GMEB2: variants seen among roughly 807,000 people sequenced by gnomAD.
GMEB2 encodes the protein glucocorticoid modulatory element-binding protein 2.
A neutral mutation model predicts 45.7 loss-of-function variants in GMEB2; 7 were observed. That is an observed-to-expected ratio of 0.15 (90% CI 0.09 to 0.29). The LOEUF is 0.29. GMEB2 is among the 10% of genes least tolerant of loss of function. The pLI is 1.00. For missense variants in GMEB2, 582 were observed against 739.2 expected (o/e 0.79, Z 2.47); for synonymous variants, 322 against 323.6 (o/e 1.00, Z 0.05).
intron 2 of GMEB2, among the ~76,000 whole-genome samples, chr20:63,605,566 G>T (rs549552645): frequency 6.6e-6 from 1 of 151,260 alleles, no homozygotes. Context: ...GGCTGCGCAG[G>T]TCTGAGCACT....
chr20:63,603,056 T>C lies in GMEB2; in HGVS notation c.266A>G (p.Glu89Gly). 1 of 1,613,970 alleles carries C rather than the reference T, an allele frequency of 6.2e-7. No individual in the cohort carries two copies. The highest frequency in any genetic ancestry group is 8.5e-7 in the Non-Finnish European group (1 of 1,179,914). The change falls in exon 4 of 10, where the codon GAG (glutamate) becomes GGG (glycine). Residue 89 changes from glutamate to glycine, a missense_variant. Physicochemically the swap from Glu to Gly is moderately conservative, Grantham distance 98 (BLOSUM62 -2). Coordinates refer to ENST00000370077, the MANE Select transcript of GMEB2 (RefSeq NM_012384.5). Reference protein sequence around the residue: ...MAEEGENLEAEIVYPITCGDS... With the variant: ...MAEEGENLEAGIVYPITCGDS... ...TCCACAGGTGATGGGGTACACAATC[T>C]CAGCTTCCAGGTTCTCCCCCTCTTC...
chr20:63,623,276 G>T (rs2089650858), intron 1 of GMEB2, among the ~76,000 whole-genome samples: 1 of 152,140 alleles, frequency 6.6e-6, no homozygotes, highest in Non-Finnish European at 1.5e-5. Context: ...AAGGGGAAAG[G>T]GGGCTCACAG....
chr20:63,605,121 G>C (rs2089508919), intron 2 of GMEB2, among the ~76,000 whole-genome samples: 1 of 152,016 alleles, frequency 6.6e-6, no homozygotes, highest in Non-Finnish European at 1.5e-5. Flanking sequence ...GGACATGGTG[G>C]TACATGCCTG....
chr20:63,597,640 G>T, intron 5 of GMEB2, 117 bp downstream of exon 5: 1 of 669,056 alleles, frequency 1.5e-6, no homozygotes, highest in Non-Finnish European at 2.7e-6. Context: ...CCGGGAGGTT[G>T]TCAGCACTCA....
Position 63,592,060 on chromosome 20 carries a change from A to G in GMEB2, c.914T>C (p.Met305Thr). The change falls in exon 9 of 10, where the codon ATG becomes ACG. Residue 305 changes from methionine (M) to threonine (T), a missense_variant. Around this residue, in one of 3 missense-constraint regions of GMEB2, gnomAD observed 462 missense variants for 586.7 expected, o/e 0.79. Coordinates refer to ENST00000370077, the MANE Select transcript of GMEB2 (RefSeq NM_012384.5). This position sits in a 1 kb window ranked among gnomAD's most constrained non-coding sequence, Gnocchi z 8.2. ...GGCGTACTGCTCCCGCGAGCGGTCC[A>G]TCTGGCACTTGTGGCTGGCCAGCAC... ...KKVLASHKCQ[M>T]DRSREQYARD... 6.2e-7 allele frequency: 1 copy of G among 1,613,462 alleles called. No individual in the cohort carries two copies. Among genetic ancestry groups the G allele is most frequent in the African/African-American group, 1.3e-5 (1 of 75,048 alleles).
At chr20:63,590,888 C>T (rs1054717642) in intron 9 of GMEB2, among the ~76,000 whole-genome samples, 159 bp from the exon 10 acceptor site, 1 of 152,128 alleles carries the variant, frequency 6.6e-6, no homozygotes, top group African/African-American at 2.4e-5. Flanking sequence ...ACCACATGGC[C>T]GCCAAAGGTG....
chr20:63,598,586 G>A (rs1408684196), intron 4 of GMEB2, among the ~76,000 whole-genome samples: 3 of 152,144 alleles, frequency 2.0e-5, no homozygotes, highest in African/African-American at 4.8e-5. Flanking sequence ...CAGGAGGCCC[G>A]AGTACGGGGG....
chr20:63,605,403 C>G (rs1044600241), intron 2 of GMEB2, among the ~76,000 whole-genome samples: 2 of 150,458 alleles, frequency 1.3e-5, no homozygotes, highest in Non-Finnish European at 3.0e-5. Context: ...TGTGGTGGCT[C>G]GAGCCCGTAA....
At position 63,590,316 on chromosome 20, in the gene GMEB2, C is replaced by A. The variant is rs1470924609; in HGVS notation, c.1366G>T (p.Val456Phe). Residue 456 changes from valine (V) to phenylalanine (F), a missense_variant, in exon 10 of 10, where the codon GTC becomes TTC. Val to Phe is a conservative substitution (Grantham distance 50). This residue lies in a region of GMEB2 where 462 missense variants were observed against 586.7 expected (regional missense o/e 0.79). Coordinates refer to ENST00000370077, the MANE Select transcript of GMEB2 (RefSeq NM_012384.5). ...TCCTGCACGGCGGCCGTGCTCAGGA[C>A]CGTGAGGCTGGACGCGTCCGGGTGG... ...EIHPDASSLT[V>F]LSTAAVQDGS... 6.2e-7 allele frequency: 1 copy of A among 1,612,566 alleles called. No homozygotes were observed. The highest frequency in any genetic ancestry group is 8.5e-7 in the Non-Finnish European group (1 of 1,179,760).
rs1007478122 is a variant in GMEB2, at chr20:63,593,360, C to G, written c.620-278G>C. Among the ~76,000 whole-genome samples the G allele has an allele frequency of 1.6e-4, 25 of 152,066 alleles. No homozygotes were observed. Among genetic ancestry groups the G allele is most frequent in the African/African-American group, 5.6e-4 (23 of 41,412 alleles). On this transcript the variant is annotated intron_variant, in intron 6 of 9. Transcript: ENST00000370077. This position sits in a 1 kb window ranked among gnomAD's most constrained non-coding sequence, Gnocchi z 4.7. ...ATTTCAGCAAATCCTCAACACTTTC[C>G]TCCTCTTGTCCATTTACGATTGTAC...
intron 5 of GMEB2, among the ~76,000 whole-genome samples, chr20:63,596,805 G>T (rs1372795048): frequency 1.3e-5 from 2 of 152,206 alleles, no homozygotes; most frequent in African/African-American, 4.8e-5. Context: ...ATCACCTGAG[G>T]TCAAGTGTTC....
chr20:63,616,838 G>A (rs2089611953), intron 2 of GMEB2, among the ~76,000 whole-genome samples: 2 of 152,226 alleles, frequency 1.3e-5, no homozygotes, highest in African/African-American at 4.8e-5. Context: ...GCGTTATCCT[G>A]AACTGTGTCC....
chr20:63,617,178 C>T (rs2089614807), intron 2 of GMEB2, among the ~76,000 whole-genome samples: 1 of 152,192 alleles, frequency 6.6e-6, no homozygotes, highest in South Asian at 2.1e-4. Flanking sequence ...GGGGTTTTGC[C>T]ATGTCGCCCA....
chr20:63,611,811 A>T (rs530458524), intron 2 of GMEB2, among the ~76,000 whole-genome samples: 2 of 152,054 alleles, frequency 1.3e-5, no homozygotes, highest in Admixed American at 6.6e-5. Flanking sequence ...TGAGTCCAGG[A>T]GTTCAAGACT....
intron 2 of GMEB2, among the ~76,000 whole-genome samples, chr20:63,606,480 T>C (rs2089520279): frequency 6.6e-6 from 1 of 152,036 alleles, no homozygotes; most frequent in East Asian, 1.9e-4. Context: ...CCCGAGTAGC[T>C]GGGACTACAG....
At chr20:63,600,580 T>C (rs1349534896) in intron 4 of GMEB2, among the ~76,000 whole-genome samples, 1 of 151,248 alleles carries the variant, frequency 6.6e-6, no homozygotes, top group Non-Finnish European at 1.5e-5. Flanking sequence ...CAGCCAGGCA[T>C]GGTGGTGGGT....
At chr20:63,623,847 C>T (rs1440360319) in intron 1 of GMEB2, among the ~76,000 whole-genome samples, 2 of 151,734 alleles carry the variant, frequency 1.3e-5, no homozygotes, top group African/African-American at 2.4e-5. Flanking sequence ...TGTGGTGGCT[C>T]ACGCCCATAA....
At position 63,589,112 on chromosome 20, in the gene GMEB2, C is replaced by T. The variant is rs2083119899; in HGVS notation, c.*977G>A. 2.5e-6 allele frequency: 1 copy of T among 399,082 alleles called. No homozygotes were observed. The highest frequency in any genetic ancestry group is 4.4e-6 in the Non-Finnish European group (1 of 226,286). The allele number at this position is 399,082 out of a possible 1,614,324, so 24.7% of individuals were successfully genotyped here. ...GCCAAGCAGCCCAAGCTGAAGGGCC[C>T]ACATGGGAATCCTCGACCTCCATAG... is the stretch of plus-strand genomic sequence containing the variant. On this transcript the variant is annotated 3_prime_UTR_variant, in exon 10 of 10. Transcript: ENST00000370077.
chr20:63,602,850 T>G, intron 4 of GMEB2, 115 bp downstream of exon 4: 1 of 893,394 alleles, frequency 1.1e-6, no homozygotes, highest in South Asian at 1.6e-5. Context: ...CCTCCTTCAC[T>G]CTCCCCAGCC....
Sources: gnomAD v4.1 joint callset for allele counts (sites outside exome capture counted in the v4.1 genomes callset) on GRCh38, gnomAD v4.1.1 for gene constraint, gnomAD v4.1.1 regional missense constraint, Gnocchi (gnomAD v3.1) non-coding constraint, MANE v1.5 for transcripts, NCBI Gene and HGNC (gene_info 2026-07-23, HGNC 2026-07-21) for gene names.